Variants in HTR2C observed in about 807,000 individuals in gnomAD.
HTR2C encodes the protein 5-hydroxytryptamine receptor 2C.
A neutral mutation model predicts 21.0 loss-of-function variants in HTR2C; 5 were observed. The observed-to-expected ratio is 0.24, with a 90% CI of 0.12 to 0.50. The LOEUF (loss-of-function observed/expected upper bound fraction) is 0.50. Among genes scored for constraint, HTR2C ranks in the 20% least tolerant of loss-of-function variants. HTR2C has a pLI of 0.98. For missense variants in HTR2C, 271 were observed against 371.2 expected (o/e 0.73, Z 2.22); for synonymous variants, 150 against 145.3 (o/e 1.03, Z -0.23).
chrX:114,821,832 C>T (rs1246560508), intron 4 of HTR2C, among the ~76,000 whole-genome samples: 1 of 110,082 alleles, frequency 9.1e-6, no homozygotes, highest in East Asian at 2.8e-4. Flanking sequence ...AAATGTTAAT[C>T]CTGCTAGTGT....
chrX:114,628,328 G>A (rs782576602), intron 2 of HTR2C, among the ~76,000 whole-genome samples: 3 of 107,205 alleles, frequency 2.8e-5, no homozygotes, highest in South Asian at 4.2e-4. Flanking sequence ...AACTTCTGCT[G>A]CCCGGGTTCA....
chrX:114,844,843 A>G (rs1556466819), intron 4 of HTR2C, among the ~76,000 whole-genome samples: 1 of 111,825 alleles, frequency 8.9e-6, no homozygotes. Context: ...TGTACCTAAC[A>G]ACAGAGCCCA....
intron 2 of HTR2C, among the ~76,000 whole-genome samples, chrX:114,724,884 A>C (rs5988113): frequency 2.8e-4 from 29 of 102,493 alleles, no homozygotes; most frequent in Non-Finnish European, 4.2e-4. Context: ...CCGAGAGATC[A>C]GCTGTTAGTT....
intron 2 of HTR2C, among the ~76,000 whole-genome samples, chrX:114,648,473 A>G (rs1161102135): frequency 3.6e-5 from 4 of 111,635 alleles, no homozygotes; most frequent in African/African-American, 1.3e-4. Context: ...CACCTCTGTA[A>G]TCCCAGCACT....
Position 114,634,197 on chromosome X carries a change from C to T in HTR2C, c.-80+20316C>T, listed in dbSNP as rs782176035. On this transcript the variant is annotated intron_variant, in intron 2 of 5. Coordinates refer to ENST00000276198, the MANE Select transcript of HTR2C (RefSeq NM_000868.4). Reference sequence around the variant, plus strand: ...GGGCCTTTTTATCTATACGTTCTAACAGCATGCCCCCCTCACCCCATGTAG... The same window carrying T: ...GGGCCTTTTTATCTATACGTTCTAATAGCATGCCCCCCTCACCCCATGTAG... Among the ~76,000 whole-genome samples, 10 of 109,758 alleles carry T rather than the reference C, an allele frequency of 9.1e-5. No homozygotes were observed. In the East Asian group the frequency reaches 1.2e-3, roughly 13 times the overall value.
At chrX:114,780,448 G>T (rs2070106013) in intron 4 of HTR2C, among the ~76,000 whole-genome samples, 1 of 111,738 alleles carries the variant, frequency 8.9e-6, no homozygotes, top group African/African-American at 3.3e-5. Context: ...ATGCAGACAA[G>T]GATTCAAATA....
rs77459121 is a variant in HTR2C at position 114,906,877 on chromosome X, C to T, written c.839C>T (p.Pro280Leu). ...NTAEEENSAN[P>L]NQDQNARRRK... ...GCCGAGGAAGAGAACTCTGCAAACC[C>T]TAACCAAGACCAGAACGCACGCCGA... The change falls in exon 6 of 6, where the codon CCT becomes CTT. Residue 280 changes from proline to leucine, a missense_variant. By Grantham distance (98) the Pro-to-Leu change is moderately conservative. Coordinates refer to ENST00000276198, the MANE Select transcript of HTR2C (RefSeq NM_000868.4). 1.2e-5 allele frequency: 14 copies of T among 1,208,862 alleles called. No individual in the cohort carries two copies. In the Admixed American group the frequency reaches 2.0e-4, roughly 17 times the overall value.
rs1704060081 is a variant in HTR2C, at chrX:114,878,291, A to G, written c.551-28298A>G. 2.7e-5 allele frequency among the ~76,000 whole-genome samples: 3 copies of G among 110,380 alleles called. No individual in the cohort carries two copies. The South Asian group carries it at 1.1e-3, about 42-fold the overall frequency. On this transcript the variant is annotated intron_variant, in intron 5 of 5. Transcript: ENST00000276198. The stretch of plus-strand genomic sequence containing the variant: ...ATAAAATAGTACAGAGTCCCTTTAT[A>G]TCTCTCATCCAGCTTCATTAAATGT...
At chrX:114,628,750 A>G (rs1407623887) in intron 2 of HTR2C, among the ~76,000 whole-genome samples, 1 of 111,732 alleles carries the variant, frequency 8.9e-6, no homozygotes, top group Non-Finnish European at 1.9e-5. Flanking sequence ...AATAACAGCC[A>G]CCAATAAAAT....
intron 5 of HTR2C, among the ~76,000 whole-genome samples, chrX:114,883,735 C>G (rs1226254971): frequency 9.1e-6 from 1 of 110,130 alleles, no homozygotes; most frequent in African/African-American, 3.3e-5. Context: ...ATTACTAAAT[C>G]GAGCTAATGG....
At chrX:114,610,220 G>A (rs782261464) in intron 1 of HTR2C, among the ~76,000 whole-genome samples, 63 of 111,178 alleles carry the variant, frequency 5.7e-4, no homozygotes, top group Non-Finnish European at 7.9e-4. Context: ...ATCCTGCTCA[G>A]GACTGACTAC....
At chrX:114,841,904 T>C (rs144921324) in intron 4 of HTR2C, among the ~76,000 whole-genome samples, 4,034 of 112,121 alleles carry the variant, frequency 0.036, 187 homozygotes, top group African/African-American at 0.13. Context: ...TATTAATCTT[T>C]ACTTCTAGTA....
chrX:114,645,776 A>G lies in HTR2C; in HGVS notation c.-80+31895A>G, dbSNP rs73638451. ...AAGAAAAAGACATTTTTATGAAAAAAGATAAGATATGGACCTTTTCTGAAT... is the reference window on the plus strand; with the variant it reads ...AAGAAAAAGACATTTTTATGAAAAAGGATAAGATATGGACCTTTTCTGAAT... On this transcript the variant is annotated intron_variant, in intron 2 of 5. Coordinates refer to ENST00000276198, the MANE Select transcript of HTR2C (RefSeq NM_000868.4). 8.6e-3 allele frequency among the ~76,000 whole-genome samples: 959 copies of G among 112,155 alleles called. 12 individuals carry two copies. The highest frequency in any genetic ancestry group is 0.029 in the African/African-American group (892 of 30,968).
chrX:114,826,458 A>T (rs1602845211), intron 4 of HTR2C, among the ~76,000 whole-genome samples: 1 of 112,322 alleles, frequency 8.9e-6, no homozygotes, highest in East Asian at 2.8e-4. Flanking sequence ...AAATGCCATC[A>T]AAACTTTGTT....
At chrX:114,765,068 A>T (rs1463467214) in intron 4 of HTR2C, among the ~76,000 whole-genome samples, 3 of 94,501 alleles carry the variant, frequency 3.2e-5, no homozygotes, top group Admixed American at 1.3e-4. Context: ...CTTTTGACAG[A>T]GTTTCACTGT....
chrX:114,638,973 G>C (rs782107112), intron 2 of HTR2C, among the ~76,000 whole-genome samples: 7 of 110,511 alleles, frequency 6.3e-5, no homozygotes, highest in African/African-American at 2.3e-4. Context: ...GAATAATGCC[G>C]CAATAAACAT....
chrX:114,889,595 C>A (rs1235031725), intron 5 of HTR2C, among the ~76,000 whole-genome samples: 3 of 112,263 alleles, frequency 2.7e-5, no homozygotes, highest in African/African-American at 9.7e-5. Flanking sequence ...TTTTCCCCAA[C>A]TGTAAATAAT....
rs139282167 is a variant in HTR2C at position 114,661,731 on chromosome X, G to A, written c.-80+47850G>A. 2.0e-3 allele frequency among the ~76,000 whole-genome samples: 225 copies of A among 110,855 alleles called. 1 individual carries two copies. Among genetic ancestry groups the A allele is most frequent in the South Asian group, 0.013 (35 of 2,597 alleles). ...ATCTGCATTCTGACCTCCTTTTGGC[G>A]TCCAGAGATCTCAAATCCTTGAGCA... is the stretch of plus-strand genomic sequence containing the variant. On this transcript the variant is annotated intron_variant, in intron 2 of 5. Transcript: ENST00000276198.
chrX:114,690,890 A>G (rs782065927), intron 2 of HTR2C, among the ~76,000 whole-genome samples: 7 of 111,498 alleles, frequency 6.3e-5, no homozygotes, highest in Middle Eastern at 9.3e-3. Context: ...CTTTTTTGAC[A>G]CTGCATCGCA....
Sources: gnomAD v4.1 joint callset for allele counts (sites outside exome capture counted in the v4.1 genomes callset) on GRCh38, gnomAD v4.1.1 for gene constraint, MANE v1.5 for transcripts, NCBI Gene and HGNC (gene_info 2026-07-23, HGNC 2026-07-21) for gene names.